Variants in HACD3 observed in about 807,000 individuals in gnomAD.
HACD3 encodes the protein 3-hydroxyacyl-CoA dehydratase 3.
A neutral mutation model predicts 55.2 loss-of-function variants in HACD3; 30 were observed. The ratio of observed to expected loss-of-function variants is 0.54; its 90% CI spans 0.41 to 0.74. The LOEUF (loss-of-function observed/expected upper bound fraction) is 0.74. HACD3 is among the 30% of genes least tolerant of loss of function. The pLI, the probability that HACD3 is intolerant of heterozygous loss-of-function variation, is 0.00. For synonymous variants in HACD3, 141 were observed against 151.7 expected, an observed-to-expected ratio of 0.93 and a Z score of 0.52; for missense variants, 363 against 440.1, an observed-to-expected ratio of 0.82 and a Z score of 1.57.
chr15:65,556,528 C>T (rs2072191802), intron 3 of HACD3, among the ~76,000 whole-genome samples: 1 of 152,134 alleles, frequency 6.6e-6, no homozygotes, highest in African/African-American at 2.4e-5. Flanking sequence ...TCCTGTGTGG[C>T]CCGATTCCCA....
chr15:65,569,637 G>A (rs1396211805), intron 7 of HACD3, among the ~76,000 whole-genome samples: 1 of 152,058 alleles, frequency 6.6e-6, no homozygotes, highest in Non-Finnish European at 1.5e-5. Flanking sequence ...GAGCCCAGAA[G>A]TTCAAGGCTG....
chr15:65,547,713 T>G (rs1176622826), intron 1 of HACD3, among the ~76,000 whole-genome samples: 2 of 152,200 alleles, frequency 1.3e-5, no homozygotes, highest in Non-Finnish European at 2.9e-5. Context: ...AGATAAATAC[T>G]AATGATTTGA....
At chr15:65,551,419 A>G (rs1050124807) in intron 1 of HACD3, among the ~76,000 whole-genome samples, 1 of 152,210 alleles carries the variant, frequency 6.6e-6, no homozygotes, top group Non-Finnish European at 1.5e-5. Flanking sequence ...GAATGGACTA[A>G]TTCAGTACTT....
At chr15:65,530,929 C>A (rs2071891075) in intron 1 of HACD3, 1 of 527,232 alleles carries the variant, frequency 1.9e-6, no homozygotes, top group African/African-American at 2.0e-5. Flanking sequence ...GCTGCAGGAA[C>A]CTTCGGGTCC....
intron 1 of HACD3, among the ~76,000 whole-genome samples, chr15:65,548,512 C>CAAAA (rs5813362): frequency 1.3e-5 from 1 of 79,212 alleles, no homozygotes. Context: ...GATTCTGTCT[C>CAAAA]AAAAAAAAAA....
intron 4 of HACD3, 131 bp downstream of exon 4, chr15:65,557,034 A>T: frequency 1.1e-6 from 1 of 919,072 alleles, no homozygotes; most frequent in Non-Finnish European, 1.6e-6. Flanking sequence ...AGACCTGGTG[A>T]TGTGATTTTC....
intron 1 of HACD3, among the ~76,000 whole-genome samples, chr15:65,537,375 A>G (rs1356265376): frequency 2.0e-5 from 3 of 152,132 alleles, no homozygotes; most frequent in Admixed American, 6.6e-5. Flanking sequence ...AGAGAAGTCA[A>G]TGCCTGGCCT....
chr15:65,551,943 G>T, intron 2 of HACD3: 1 of 416,530 alleles, frequency 2.4e-6, no homozygotes, highest in Non-Finnish European at 4.2e-6. Flanking sequence ...ATACAGTGAA[G>T]GAAAAAAAAA....
At chr15:65,535,751 A>G (rs2071948251) in intron 1 of HACD3, 2 of 602,756 alleles carry the variant, frequency 3.3e-6, no homozygotes, top group African/African-American at 1.9e-5. Context: ...GTTGGAGTGC[A>G]GCAGTGTGAT....
chr15:65,547,709 A>G (rs1020022537), intron 1 of HACD3, among the ~76,000 whole-genome samples: 1 of 152,248 alleles, frequency 6.6e-6, no homozygotes, highest in Non-Finnish European at 1.5e-5. Flanking sequence ...TTGAAGATAA[A>G]TACTAATGAT....
At chr15:65,536,313 T>C (rs1363302131) in intron 1 of HACD3, among the ~76,000 whole-genome samples, 4 of 152,180 alleles carry the variant, frequency 2.6e-5, no homozygotes, top group African/African-American at 4.8e-5. Flanking sequence ...TGTGATTGTT[T>C]TATGGCAAAA....
chr15:65,571,596 C>G lies in HACD3; in HGVS notation c.822C>G (p.Leu274=). 1 of 1,613,896 alleles carries G rather than the reference C, an allele frequency of 6.2e-7. No individual in the cohort carries two copies. Among genetic ancestry groups the G allele is most frequent in the Non-Finnish European group, 8.5e-7 (1 of 1,179,808 alleles). Residue 274 remains leucine, a synonymous_variant, in exon 9 of 11, where the codon CTC becomes CTG. Transcript: ENST00000261875. ...GCATTGACATGGATTGGAAGGTGCT[C>G]ACATGGCTTCGTTACACTCTGTGGA... ...LTCIDMDWKV[L]TWLRYTLWIP... is the part of the protein sequence containing the mutation.
intron 8 of HACD3, among the ~76,000 whole-genome samples, chr15:65,570,839 C>CA (rs2072340832): frequency 3.3e-5 from 5 of 152,130 alleles, no homozygotes; most frequent in Non-Finnish European, 7.4e-5. Context: ...GACAAAGTTG[C>CA]TAGTTGAGAG....
At position 65,578,120 on chromosome 15, in the gene HACD3, T is replaced by C. The variant is rs1199843678; in HGVS notation, c.*1741T>C. ...GGCTAGCTGATTTCTTAAAAATTCG[T>C]TGCATTGAAGGATATTTTGCATGTC... On this transcript the variant is annotated 3_prime_UTR_variant, in exon 11 of 11. Coordinates refer to ENST00000261875, the MANE Select transcript of HACD3 (RefSeq NM_016395.4). 1 of 152,226 alleles carries C rather than the reference T, an allele frequency of 6.6e-6. No individual in the cohort carries two copies. Among genetic ancestry groups the C allele is most frequent in the African/African-American group, 2.4e-5 (1 of 41,458 alleles). 9.4% of individuals were successfully genotyped at this position (152,226 alleles called of 1,614,324 possible).
chr15:65,546,182 C>A (rs1230108493), intron 1 of HACD3, among the ~76,000 whole-genome samples: 1 of 152,022 alleles, frequency 6.6e-6, no homozygotes, highest in Middle Eastern at 3.2e-3. Context: ...TATAGCTGAG[C>A]CCCAGTCAAC....
intron 1 of HACD3, among the ~76,000 whole-genome samples, chr15:65,536,547 G>A (rs977331899): frequency 1.3e-5 from 2 of 152,098 alleles, no homozygotes; most frequent in African/African-American, 4.8e-5. Flanking sequence ...TGTCACTTGA[G>A]GTCAGGAGAC....
chr15:65,569,448 G>A (rs955232563), intron 7 of HACD3, among the ~76,000 whole-genome samples: 1 of 152,040 alleles, frequency 6.6e-6, no homozygotes. Flanking sequence ...AGTGGCTCAT[G>A]CCTATAATCC....
At chr15:65,561,662 G>A (rs2072245660) in intron 5 of HACD3, among the ~76,000 whole-genome samples, 1 of 152,046 alleles carries the variant, frequency 6.6e-6, no homozygotes, top group African/African-American at 2.4e-5. Flanking sequence ...AAGTGGGTGG[G>A]TTTTTTCCCC....
intron 5 of HACD3, among the ~76,000 whole-genome samples, chr15:65,561,624 A>G (rs1414375731): frequency 6.6e-6 from 1 of 152,162 alleles, no homozygotes; most frequent in East Asian, 1.9e-4. Flanking sequence ...TTACTCAACA[A>G]CAATCAACAC....
Sources: allele counts gnomAD v4.1 joint callset (sites outside exome capture counted in the v4.1 genomes callset), GRCh38; gene constraint gnomAD v4.1.1; transcripts MANE v1.5; gene names NCBI Gene and HGNC (gene_info 2026-07-23, HGNC 2026-07-21).